GRAMD1C: variants seen among roughly 807,000 people sequenced by gnomAD.
GRAMD1C encodes GRAM domain containing 1C, also known as protein Aster-C.
Under a neutral mutation model 97.8 loss-of-function variants are expected in GRAMD1C, and 89 were observed. The ratio of observed to expected loss-of-function variants is 0.91; its 90% CI spans 0.77 to 1.09. GRAMD1C has a LOEUF of 1.09. GRAMD1C is among the 50% of genes least tolerant of loss of function. GRAMD1C has a pLI of 0.00. For synonymous variants in GRAMD1C, 256 were observed against 267.0 expected (o/e 0.96, Z 0.40); for missense variants, 740 against 766.4 (o/e 0.97, Z 0.41).
rs59833512 is a variant in GRAMD1C at position 113,941,926 on chromosome 3, T to A, written c.1908+1581T>A. On this transcript the variant is annotated intron_variant, in intron 17 of 17. Transcript: ENST00000358160. Reference sequence around the variant, plus strand: ...GAGCCACCGTGCCCGGCCATCTTTTTTTTTTTTGAGACAAGAGTCTTACTC... The same window carrying A: ...GAGCCACCGTGCCCGGCCATCTTTTATTTTTTTGAGACAAGAGTCTTACTC... Among the ~76,000 whole-genome samples, 1,071 of 151,674 alleles carry A rather than the reference T, an allele frequency of 7.1e-3. 28 individuals are homozygous for A. The highest frequency in any genetic ancestry group is 0.025 in the African/African-American group (1,040 of 41,186).
chr3:113,931,851 A>G (rs2107366802), intron 11 of GRAMD1C, among the ~76,000 whole-genome samples: 1 of 152,228 alleles, frequency 6.6e-6, no homozygotes, highest in South Asian at 2.1e-4. Flanking sequence ...GCTTGAGCCC[A>G]GGAGTTTGAG....
At chr3:113,833,072 T>C (rs1709579762) in intron 1 of GRAMD1C, among the ~76,000 whole-genome samples, 1 of 152,040 alleles carries the variant, frequency 6.6e-6, no homozygotes, top group Non-Finnish European at 1.5e-5. Flanking sequence ...ATACTGGTAA[T>C]ATATTTGCCT....
intron 2 of GRAMD1C, among the ~76,000 whole-genome samples, chr3:113,847,052 T>C (rs1343570278): frequency 1.3e-5 from 2 of 152,224 alleles, no homozygotes; most frequent in African/African-American, 4.8e-5. Context: ...ATTTGGTGTT[T>C]CTTTATTTTT....
chr3:113,894,257 G>A (rs1263499298), intron 6 of GRAMD1C, among the ~76,000 whole-genome samples: 2 of 151,898 alleles, frequency 1.3e-5, no homozygotes, highest in South Asian at 2.1e-4. Context: ...TAGGCAGGAT[G>A]TATGCAGAAA....
At chr3:113,851,202 G>T (rs1933889001) in intron 2 of GRAMD1C, among the ~76,000 whole-genome samples, 1 of 152,070 alleles carries the variant, frequency 6.6e-6, no homozygotes, top group Non-Finnish European at 1.5e-5. Context: ...GTTTACTCAG[G>T]GGTCCTTTGT....
chr3:113,927,222 T>C (rs1324360368), intron 10 of GRAMD1C, among the ~76,000 whole-genome samples: 1 of 152,108 alleles, frequency 6.6e-6, no homozygotes, highest in Non-Finnish European at 1.5e-5. Context: ...ATTTGTGTTT[T>C]GGCATGGTTT....
intron 6 of GRAMD1C, chr3:113,890,690 G>A (rs1398552426): frequency 2.6e-5 from 18 of 684,538 alleles, no homozygotes; most frequent in Middle Eastern, 4.6e-4. Flanking sequence ...CAGCGACATC[G>A]CAGACTATGC....
chr3:113,938,776 G>A (rs9826697), intron 15 of GRAMD1C: 45,560 of 152,014 alleles, frequency 0.3, 7,547 homozygotes, highest in Middle Eastern at 0.41. Context: ...ATATCTATAT[G>A]CCTCTATATG....
chr3:113,941,294 A>T (rs1490079326), intron 17 of GRAMD1C, among the ~76,000 whole-genome samples: 1 of 152,168 alleles, frequency 6.6e-6, no homozygotes, highest in Admixed American at 6.5e-5. Context: ...TGAGGCTATT[A>T]TCACTCTTGA....
At chr3:113,901,768 A>C (rs538249514) in intron 7 of GRAMD1C, among the ~76,000 whole-genome samples, 1 of 152,352 alleles carries the variant, frequency 6.6e-6, no homozygotes, top group East Asian at 1.9e-4. Context: ...CATTATGTCC[A>C]GTGGAAATTG....
intron 6 of GRAMD1C, among the ~76,000 whole-genome samples, chr3:113,889,994 TC>T (rs958867769): frequency 6.6e-6 from 1 of 151,986 alleles, no homozygotes; most frequent in Non-Finnish European, 1.5e-5. Flanking sequence ...TCCTCCCTAC[TC>T]CCCAGCTAAG....
chr3:113,836,440 C>T (rs1277989315), upstream of GRAMD1C, among the ~76,000 whole-genome samples: 3 of 151,814 alleles, frequency 2.0e-5, no homozygotes, highest in East Asian at 1.9e-4. Context: ...CAATAATTAA[C>T]GTTTCGCTAT....
intron 12 of GRAMD1C, among the ~76,000 whole-genome samples, 192 bp downstream of exon 12, chr3:113,933,845 G>A (rs897692571): frequency 6.6e-6 from 1 of 152,230 alleles, no homozygotes. Flanking sequence ...GACACCCGGA[G>A]CTACGTGATC....
intron 2 of GRAMD1C, among the ~76,000 whole-genome samples, chr3:113,848,004 A>G (rs1933690803): frequency 6.6e-6 from 1 of 152,238 alleles, no homozygotes; most frequent in South Asian, 2.1e-4. Flanking sequence ...AAAAGAATGG[A>G]TAACTTTAAA....
chr3:113,864,671 C>T (rs1473819017), intron 2 of GRAMD1C, among the ~76,000 whole-genome samples: 1 of 152,130 alleles, frequency 6.6e-6, no homozygotes, highest in Non-Finnish European at 1.5e-5. Context: ...CATCAGAGAC[C>T]TCTTCAGAAT....
chr3:113,899,143 A>G (rs1256698468), intron 6 of GRAMD1C, among the ~76,000 whole-genome samples: 1 of 152,164 alleles, frequency 6.6e-6, no homozygotes, highest in Non-Finnish European at 1.5e-5. Flanking sequence ...CTATTTCGCA[A>G]CTTAAAATTT....
chr3:113,901,063 C>A lies in GRAMD1C; in HGVS notation c.573C>A (p.Leu191=). 6.2e-7 allele frequency: 1 copy of A among 1,608,370 alleles called. No homozygotes were observed. Among genetic ancestry groups the A allele is most frequent in the South Asian group, 1.1e-5 (1 of 90,826 alleles). Residue 191 remains leucine (L), a synonymous_variant, in exon 7 of 18, where the codon CTC becomes CTA. Transcript: ENST00000358160. The part of the protein sequence containing the change: ...SLTRQEFWQL[L]QQNYGTELGL... ...CTAGACAGGAATTCTGGCAACTGCTCCAGCAGAACTATGGCACTGAGCTAG... is the reference window on the plus strand; with the variant it reads ...CTAGACAGGAATTCTGGCAACTGCTACAGCAGAACTATGGCACTGAGCTAG...
At chr3:113,919,855 CA>C in intron 10 of GRAMD1C, 1 of 650,368 alleles carries the variant, frequency 1.5e-6, no homozygotes. Context: ...TACAACTGAT[CA>C]AAAAAGAGAT....
At chr3:113,912,589 T>C (rs1054099257) in intron 9 of GRAMD1C, among the ~76,000 whole-genome samples, 2 of 151,918 alleles carry the variant, frequency 1.3e-5, no homozygotes, top group African/African-American at 4.8e-5. Context: ...GAAAATTAGC[T>C]GGACATGGTG....
Sources: allele counts gnomAD v4.1 joint callset (sites outside exome capture counted in the v4.1 genomes callset), GRCh38; gene constraint gnomAD v4.1.1; transcripts MANE v1.5; gene names NCBI Gene and HGNC (gene_info 2026-07-23, HGNC 2026-07-21).